XKR4: variants seen among roughly 807,000 people sequenced by gnomAD.
XKR4 encodes the protein XK-related protein 4.
A neutral mutation model predicts 53.9 loss-of-function variants in XKR4; 12 were observed. The observed-to-expected ratio is 0.22, with a 90% CI of 0.14 to 0.36. The LOEUF (loss-of-function observed/expected upper bound fraction) is 0.36, where lower values mean the gene tolerates loss of function less well. XKR4 is among the 10% of genes least tolerant of loss of function. The pLI is 1.00. For missense variants in XKR4, 799 were observed against 859.5 expected, an observed-to-expected ratio of 0.93 and a Z score of 0.88; for synonymous variants, 354 against 362.4, an observed-to-expected ratio of 0.98 and a Z score of 0.26.
At chr8:55,469,444 T>C (rs569121042) in intron 2 of XKR4, among the ~76,000 whole-genome samples, 2 of 152,272 alleles carry the variant, frequency 1.3e-5, no homozygotes, top group Admixed American at 1.3e-4. Flanking sequence ...TGCCATTTCC[T>C]GCCTTTTAGG....
intron 2 of XKR4, among the ~76,000 whole-genome samples, chr8:55,463,426 A>G (rs1329277945): frequency 6.6e-6 from 1 of 151,290 alleles, no homozygotes; most frequent in African/African-American, 2.4e-5. Flanking sequence ...TTTGAAACCA[A>G]CGAGAACAAA....
intron 1 of XKR4, among the ~76,000 whole-genome samples, chr8:55,259,647 C>A (rs11780137): frequency 0.33 from 50,359 of 151,978 alleles, 10,095 homozygotes; most frequent in Middle Eastern, 0.46. Context: ...GGAAGTGATT[C>A]ATCTCTCCCG....
chr8:55,131,913 A>T (rs76214447), intron 1 of XKR4, among the ~76,000 whole-genome samples: 3,687 of 152,260 alleles, frequency 0.024, 133 homozygotes, highest in African/African-American at 0.083. Context: ...CTGTTTACAC[A>T]TGGCCTGTGC....
intron 2 of XKR4, among the ~76,000 whole-genome samples, chr8:55,392,842 G>A (rs1300566058): frequency 6.6e-6 from 1 of 152,058 alleles, no homozygotes; most frequent in African/African-American, 2.4e-5. Context: ...CAAAAGAGGG[G>A]AAGAGTGGAC....
At chr8:55,393,377 A>G (rs1563339576) in intron 2 of XKR4, among the ~76,000 whole-genome samples, 1 of 151,904 alleles carries the variant, frequency 6.6e-6, no homozygotes, top group Non-Finnish European at 1.5e-5. Context: ...GAATAGAATG[A>G]CATATGGCTG....
chr8:55,536,290 C>A lies in XKR4; in HGVS notation c.*12063C>A, dbSNP rs1006107854. On this transcript the variant is annotated 3_prime_UTR_variant, in exon 3 of 3. Coordinates refer to ENST00000327381, the MANE Select transcript of XKR4 (RefSeq NM_052898.2). ...TTTCAACATAGACAAAACCACTGGA[C>A]CATTGATAGCCCTCAAGCTCTGATT... 6.6e-6 allele frequency: 1 copy of A among 152,284 alleles called. No individual in the cohort carries two copies. The highest frequency in any genetic ancestry group is 1.5e-5 in the Non-Finnish European group (1 of 68,016). The allele number at this position is 152,284 out of a possible 1,614,324, so 9.4% of individuals were successfully genotyped here.
At chr8:55,205,825 C>G (rs933594042) in intron 1 of XKR4, among the ~76,000 whole-genome samples, 7 of 152,216 alleles carry the variant, frequency 4.6e-5, no homozygotes, top group African/African-American at 1.4e-4. Context: ...CTTGGTCTCA[C>G]TGACTTCAAG....
Position 55,142,353 on chromosome 8 carries a change from C to A in XKR4, c.806+39059C>A, listed in dbSNP as rs532326590. 402 of 360,386 alleles carry A rather than the reference C, an allele frequency of 1.1e-3. 7 individuals are homozygous for A. Among genetic ancestry groups the A allele is most frequent in the South Asian group, 8.0e-3 (381 of 47,470 alleles). The allele number at this position is 360,386 out of a possible 1,614,324, so 22.3% of individuals were successfully genotyped here. A position where few individuals can be genotyped will look rare whatever the true frequency, so the allele number is the denominator to read the frequency against. ...CTGCCCTCTTTCCTACTTCCTCATC[C>A]TGATTAACGGTCTGTCCTGCCTCTT... On this transcript the variant is annotated intron_variant, in intron 1 of 2. Coordinates refer to ENST00000327381, the MANE Select transcript of XKR4 (RefSeq NM_052898.2).
chr8:55,298,898 G>C (rs1819139218), intron 1 of XKR4, among the ~76,000 whole-genome samples: 1 of 152,190 alleles, frequency 6.6e-6, no homozygotes, highest in Non-Finnish European at 1.5e-5. Context: ...AATTCAGTGT[G>C]TATTTCTAAG....
intron 2 of XKR4, among the ~76,000 whole-genome samples, chr8:55,504,778 T>C (rs577507842): frequency 5.5e-4 from 83 of 152,262 alleles, no homozygotes; most frequent in African/African-American, 1.9e-3. Context: ...TATGATTCAG[T>C]CTTGGTAGAT....
At chr8:55,415,465 C>A (rs553531831) in intron 2 of XKR4, among the ~76,000 whole-genome samples, 1 of 152,226 alleles carries the variant, frequency 6.6e-6, no homozygotes, top group East Asian at 1.9e-4. Context: ...AGATACAGAT[C>A]CTTAGACCTC....
chr8:55,186,357 T>C (rs752954606), intron 1 of XKR4, among the ~76,000 whole-genome samples: 47 of 152,160 alleles, frequency 3.1e-4, no homozygotes, highest in Non-Finnish European at 6.2e-4. Flanking sequence ...ATATTTGCCT[T>C]TAAAAATTCA....
chr8:55,455,794 G>C (rs948827513), intron 2 of XKR4, among the ~76,000 whole-genome samples: 3 of 152,182 alleles, frequency 2.0e-5, no homozygotes, highest in Non-Finnish European at 2.9e-5. Context: ...GGAGGACTCT[G>C]AATGTGCTTC....
intron 1 of XKR4, among the ~76,000 whole-genome samples, chr8:55,179,652 A>G (rs1186515814): frequency 6.6e-6 from 1 of 152,194 alleles, no homozygotes; most frequent in Non-Finnish European, 1.5e-5. Context: ...TTTATTCTCT[A>G]TGTTCTCGCT....
intron 1 of XKR4, among the ~76,000 whole-genome samples, chr8:55,233,972 A>G (rs550329746): frequency 6.6e-6 from 1 of 152,216 alleles, no homozygotes; most frequent in African/African-American, 2.4e-5. Flanking sequence ...CCCAGAATAC[A>G]TGTGTCAGAG....
At chr8:55,232,086 C>T (rs1189812629) in intron 1 of XKR4, among the ~76,000 whole-genome samples, 1 of 152,226 alleles carries the variant, frequency 6.6e-6, no homozygotes, top group Non-Finnish European at 1.5e-5. Context: ...TATCTCAATC[C>T]TGTCATTCTG....
At chr8:55,148,093 T>G (rs964481865) in intron 1 of XKR4, among the ~76,000 whole-genome samples, 15 of 152,204 alleles carry the variant, frequency 9.9e-5, no homozygotes, top group Admixed American at 5.2e-4. Flanking sequence ...AAAAAATGCA[T>G]GAACACCGAG....
intron 2 of XKR4, among the ~76,000 whole-genome samples, chr8:55,505,669 C>T (rs767630219): frequency 6.6e-6 from 1 of 152,106 alleles, no homozygotes; most frequent in African/African-American, 2.4e-5. Context: ...CATTGTGATC[C>T]GAAAAGATAC....
intron 2 of XKR4, among the ~76,000 whole-genome samples, chr8:55,396,864 G>A (rs925422088): frequency 1.1e-4 from 16 of 152,106 alleles, no homozygotes; most frequent in African/African-American, 3.4e-4. Context: ...CTATTGTAAT[G>A]GGCTAAATTG....
Sources: allele counts gnomAD v4.1 joint callset (sites outside exome capture counted in the v4.1 genomes callset), GRCh38; gene constraint gnomAD v4.1.1; transcripts MANE v1.5; gene names NCBI Gene and HGNC (gene_info 2026-07-23, HGNC 2026-07-21).